The following ALK variants were observed in gnomAD, a reference collection of about 807,000 sequenced individuals.
The protein encoded by ALK is ALK tyrosine kinase receptor.
In ALK, 74 loss-of-function variants were observed where a neutral mutation model predicts 163.1. The observed-to-expected ratio is 0.45, with a 90% CI of 0.38 to 0.55. The LOEUF (loss-of-function observed/expected upper bound fraction) is 0.55, where lower values mean the gene tolerates loss of function less well. Among genes scored for constraint, ALK ranks in the 20% least tolerant of loss-of-function variants. The pLI, the probability that ALK is intolerant of heterozygous loss-of-function variation, is 0.00. For missense variants in ALK, 2,063 were observed against 2,105.3 expected (o/e 0.98, Z 0.39); for synonymous variants, 960 against 843.2 (o/e 1.14, Z -2.40).
At chr2:29,304,478 G>A (rs1446156870) in intron 8 of ALK, among the ~76,000 whole-genome samples, 1 of 133,330 alleles carries the variant, frequency 7.5e-6, no homozygotes, top group African/African-American at 2.8e-5. Flanking sequence ...CTGGGCAATA[G>A]AGCAAGACTG....
At chr2:29,218,728 A>G (rs1009572123) in intron 23 of ALK, among the ~76,000 whole-genome samples, 1 of 152,228 alleles carries the variant, frequency 6.6e-6, no homozygotes, top group Non-Finnish European at 1.5e-5. Context: ...AAGCCTCAGG[A>G]AGGTCCAGTG....
intron 3 of ALK, among the ~76,000 whole-genome samples, chr2:29,635,438 G>A (rs570425349): frequency 1.8e-4 from 28 of 152,256 alleles, no homozygotes; most frequent in African/African-American, 6.7e-4. Context: ...CAGAGATTAT[G>A]ATGTAAAGAC....
chr2:29,425,369 C>T (rs1386726743), intron 4 of ALK, among the ~76,000 whole-genome samples: 1 of 152,094 alleles, frequency 6.6e-6, no homozygotes, highest in Non-Finnish European at 1.5e-5. Context: ...GAGGGACAGG[C>T]TATGAGCATT....
intron 8 of ALK, among the ~76,000 whole-genome samples, chr2:29,308,802 T>G (rs1200465000): frequency 1.3e-5 from 2 of 152,088 alleles, no homozygotes; most frequent in African/African-American, 2.4e-5. Context: ...TTCTCCTGCA[T>G]GGAAAAGAGC....
At chr2:29,918,634 T>C (rs1196487976) in intron 1 of ALK, among the ~76,000 whole-genome samples, 1 of 152,192 alleles carries the variant, frequency 6.6e-6, no homozygotes, top group African/African-American at 2.4e-5. Context: ...GGTCACATAC[T>C]AGTATGTATT....
In ALK at chr2:29,348,295, G is replaced by A. The variant is rs575613345; in HGVS notation, c.1283-19814C>T. ...TCTGGGTCTGCTTATGAGAATGAAT[G>A]AACTGTGTCTGTAAAGTGCTCACAG... is the stretch of plus-strand genomic sequence containing the variant. On this transcript the variant is annotated intron_variant, in intron 5 of 28. Transcript: ENST00000389048. 3.3e-5 allele frequency among the ~76,000 whole-genome samples: 5 copies of A among 152,328 alleles called. No homozygotes were observed. The South Asian group carries it at 1.0e-3, about 32-fold the overall frequency.
chr2:29,372,031 C>A (rs1000663638), intron 5 of ALK, among the ~76,000 whole-genome samples: 2 of 152,182 alleles, frequency 1.3e-5, no homozygotes, highest in Non-Finnish European at 2.9e-5. Context: ...CAATACATAG[C>A]CATGCTAGTT....
intron 4 of ALK, among the ~76,000 whole-genome samples, chr2:29,390,060 T>C (rs10195189): frequency 0.21 from 31,900 of 152,224 alleles, 3,649 homozygotes; most frequent in Middle Eastern, 0.32. Flanking sequence ...GTCTACTATA[T>C]GCGCTGCTTA....
At chr2:29,753,017 T>C (rs1417971278) in intron 1 of ALK, among the ~76,000 whole-genome samples, 1 of 152,186 alleles carries the variant, frequency 6.6e-6, no homozygotes. Flanking sequence ...TTCAGGCTCA[T>C]GTCTTCCTTG....
chr2:29,919,676 T>C (rs767414302), intron 1 of ALK, among the ~76,000 whole-genome samples: 6 of 152,138 alleles, frequency 3.9e-5, no homozygotes, highest in Non-Finnish European at 7.4e-5. Flanking sequence ...ATTTCAACTG[T>C]CCCGGGGCCC....
In ALK at chr2:29,633,953, A is replaced by G. The variant is rs556600551; in HGVS notation, c.952+60897T>C. Among the ~76,000 whole-genome samples the G allele has an allele frequency of 2.0e-5, 3 of 152,348 alleles. No homozygotes were observed. In the South Asian group the frequency reaches 6.2e-4, roughly 32 times the overall value. ...TCCCCCAAAAGAAATCTCCAGGACCAGATGGCTTTATTGAAAAATTCCACC... is the reference window on the plus strand; with the variant it reads ...TCCCCCAAAAGAAATCTCCAGGACCGGATGGCTTTATTGAAAAATTCCACC... On this transcript the variant is annotated intron_variant, in intron 3 of 28. Coordinates refer to ENST00000389048, the MANE Select transcript of ALK (RefSeq NM_004304.5).
At chr2:29,222,229 G>C (rs778792374) in intron 22 of ALK, 115 bp downstream of exon 22, 4 of 916,388 alleles carry the variant, frequency 4.4e-6, no homozygotes, top group Admixed American at 4.0e-5. Flanking sequence ...TGGAGAAAAG[G>C]GGACATGCTA....
At chr2:29,518,780 T>C (rs1022786503) in intron 4 of ALK, among the ~76,000 whole-genome samples, 2 of 152,156 alleles carry the variant, frequency 1.3e-5, no homozygotes, top group Non-Finnish European at 2.9e-5. Context: ...ACAGACTGCC[T>C]TGTTAGGAGA....
intron 1 of ALK, among the ~76,000 whole-genome samples, chr2:29,814,496 T>C (rs1018494536): frequency 5.9e-5 from 9 of 151,860 alleles, no homozygotes; most frequent in African/African-American, 2.2e-4. Context: ...CTGTCTCTAC[T>C]AAAAATACAA....
chr2:29,868,881 T>C (rs951563174), intron 1 of ALK, among the ~76,000 whole-genome samples: 1 of 152,312 alleles, frequency 6.6e-6, no homozygotes, highest in South Asian at 2.1e-4. Flanking sequence ...GTAAACCTTC[T>C]ACCTGGTTCT....
chr2:29,392,221 C>T (rs997877659), intron 4 of ALK, among the ~76,000 whole-genome samples: 4 of 152,136 alleles, frequency 2.6e-5, no homozygotes, highest in African/African-American at 9.7e-5. Flanking sequence ...CTAACAAATG[C>T]ATGAAACATA....
chr2:29,589,910 G>C (rs1674998771), intron 3 of ALK, among the ~76,000 whole-genome samples: 1 of 152,224 alleles, frequency 6.6e-6, no homozygotes, highest in Non-Finnish European at 1.5e-5. Flanking sequence ...AGTAAACAGT[G>C]AAGTCCCCTC....
At chr2:29,344,514 C>G (rs961125812) in intron 5 of ALK, among the ~76,000 whole-genome samples, 3 of 152,136 alleles carry the variant, frequency 2.0e-5, no homozygotes, top group African/African-American at 7.2e-5. Context: ...TGGCGATAGT[C>G]CCAGTTGAGC....
intron 3 of ALK, among the ~76,000 whole-genome samples, chr2:29,689,849 T>C (rs1283309336): frequency 1.3e-5 from 2 of 152,160 alleles, no homozygotes; most frequent in Non-Finnish European, 2.9e-5. Context: ...AGGTATGCCA[T>C]GTGATGACAG....
Sources: gnomAD v4.1 joint callset for allele counts (sites outside exome capture counted in the v4.1 genomes callset) on GRCh38, gnomAD v4.1.1 for gene constraint, MANE v1.5 for transcripts, NCBI Gene and HGNC (gene_info 2026-07-23, HGNC 2026-07-21) for gene names.